HSPG2: variants seen among roughly 807,000 people sequenced by gnomAD.
The protein encoded by HSPG2 is heparan sulfate proteoglycan 2.
A neutral mutation model predicts 526.6 loss-of-function variants in HSPG2; 278 were observed. The observed-to-expected ratio is 0.53, with a 90% CI of 0.48 to 0.58. HSPG2 has a LOEUF of 0.58. Ranked by LOEUF, HSPG2 falls within the 20% of genes least tolerant of loss-of-function variation. HSPG2 has a pLI of 0.00. For synonymous variants in HSPG2, 2,465 were observed against 2,555.4 expected (o/e 0.96, Z 1.07); for missense variants, 5,354 against 6,099.5 (o/e 0.88, Z 4.07).
intron 91 of HSPG2, among the ~76,000 whole-genome samples, chr1:21,826,072 C>A (rs550426851): frequency 6.6e-5 from 10 of 151,524 alleles, no homozygotes; most frequent in African/African-American, 2.4e-4. Flanking sequence ...TGTGAGCCAC[C>A]GCACCCAGCC....
chr1:21,828,215 T>C lies in HSPG2; in HGVS notation c.12409+40A>G. 1.2e-6 allele frequency: 2 copies of C among 1,613,018 alleles called. No individual in the cohort carries two copies. The highest frequency in any genetic ancestry group is 1.7e-6 in the Non-Finnish European group (2 of 1,179,898). On this transcript the variant is annotated intron_variant, in intron 89 of 96. Coordinates refer to ENST00000374695, the MANE Select transcript of HSPG2 (RefSeq NM_005529.7). The surrounding 1 kb of genome is among the most constrained non-coding windows in gnomAD (Gnocchi z 6.0). ...TGGGCTGGAGGTGTCGCTGACCACC[T>C]GTGCCCCTCCCCTCCGGTGCCCTGG...
Position 21,872,271 on chromosome 1 carries a change from C to A in HSPG2, c.4136G>T (p.Gly1379Val). Residue 1379 changes from glycine to valine, a missense_variant, in exon 33 of 97, where the codon GGT becomes GTT. Coordinates refer to ENST00000374695, the MANE Select transcript of HSPG2 (RefSeq NM_005529.7). This position sits in a 1 kb window ranked among gnomAD's most constrained non-coding sequence, Gnocchi z 5.5. ...GEFTVEPVPE[G>V]AQLSFGNFAQ... ...AAAGTTGCCAAAAGAGAGCTGGGCA[C>A]CCTCGGGCACGGGTTCCACAGTGAA... The A allele has an allele frequency of 6.4e-7, 1 of 1,557,620 alleles. No homozygotes were observed. Among genetic ancestry groups the A allele is most frequent in the Non-Finnish European group, 8.7e-7 (1 of 1,150,310 alleles).
rs144498303 is a variant in HSPG2 at position 21,851,553 on chromosome 1, C to G, written c.7151G>C (p.Arg2384Pro). 1 of 1,613,952 alleles carries G rather than the reference C, an allele frequency of 6.2e-7. No homozygotes were observed. Among genetic ancestry groups the G allele is most frequent in the Non-Finnish European group, 8.5e-7 (1 of 1,180,054 alleles). The change falls in exon 55 of 97, where the codon CGG becomes CCG. Residue 2384 changes from arginine (R) to proline (P), a missense_variant. Arg to Pro is a moderately radical substitution (Grantham distance 103). Coordinates refer to ENST00000374695, the MANE Select transcript of HSPG2 (RefSeq NM_005529.7). Reference sequence around the variant, plus strand: ...TGTCCTCCAGTCCCATACCTGGTGCCGGACAGGGAGGCTGCCCCCACGCTT... The same window carrying G: ...TGTCCTCCAGTCCCATACCTGGTGCGGGACAGGGAGGCTGCCCCCACGCTT... The part of the protein sequence containing the change: ...WHKRGGSLPV[R>P]HQTHGSLLRL...
In HSPG2 at chr1:21,873,961, G is replaced by T. The variant is rs113652076; in HGVS notation, c.3707C>A (p.Ala1236Glu). ...LDTDGHPTCD[A>E]CSPGHSGRHC... is the part of the protein sequence containing the mutation. ...ACGCCCACTGTGGCCTGGGGAGCAC[G>T]CATCACAGGTGGGGTGGCCGTCTGT... Residue 1236 changes from alanine (A) to glutamate (E), a missense_variant, in exon 29 of 97, where the codon GCG becomes GAG. Physicochemically the swap from Ala to Glu is moderately radical, Grantham distance 107. Transcript: ENST00000374695. 2.7e-3 allele frequency: 4,297 copies of T among 1,605,542 alleles called. 10 individuals are homozygous for T. Among genetic ancestry groups the T allele is most frequent in the Non-Finnish European group, 3.4e-3 (3,977 of 1,175,892 alleles).
At chr1:21,869,722 C>G (rs1304464541) in intron 33 of HSPG2, 2 of 985,940 alleles carry the variant, frequency 2.0e-6, no homozygotes, top group African/African-American at 3.5e-5. Flanking sequence ...GAAAGGACGT[C>G]CGTGAGGCTT....
chr1:21,833,352 A>T lies in HSPG2; in HGVS notation c.11011T>A (p.Tyr3671Asn). ...ATGGTGGGCAGCGGTAGGAAGGAGT[A>T]GGGGGTCTGCGTGAAGTAGGGCACC... ...RVVPYFTQTP[Y>N]SFLPLPTIKD... is the part of the protein sequence containing the mutation. The change falls in exon 80 of 97, where the codon TAC becomes AAC. Residue 3671 changes from tyrosine (Y) to asparagine (N), a missense_variant. By Grantham distance (143) the Tyr-to-Asn change is moderately radical. Coordinates refer to ENST00000374695, the MANE Select transcript of HSPG2 (RefSeq NM_005529.7). 6.2e-7 allele frequency: 1 copy of T among 1,614,100 alleles called. No individual in the cohort carries two copies. The highest frequency in any genetic ancestry group is 8.5e-7 in the Non-Finnish European group (1 of 1,179,998).
intron 21 of HSPG2, 97 bp downstream of exon 21, chr1:21,878,089 C>T (rs1641220574): frequency 2.6e-6 from 3 of 1,157,604 alleles, no homozygotes; most frequent in African/African-American, 3.0e-5. Context: ...CACCCACTGG[C>T]CAAGGATCTA....
rs955452877 is a variant in HSPG2 at position 21,870,908 on chromosome 1, G to T, written c.4221+1278C>A. 3 of 984,636 alleles carry T rather than the reference G, an allele frequency of 3.0e-6. No individual in the cohort carries two copies. The African/African-American group carries it at 5.2e-5, about 17-fold the overall frequency. 61.0% of individuals were successfully genotyped at this position (984,636 alleles called of 1,614,324 possible). A position where few individuals can be genotyped will look rare whatever the true frequency, so the allele number is the denominator to read the frequency against. The stretch of plus-strand genomic sequence containing the variant: ...CAGGGAAATGCCAGGACAGGAGACA[G>T]AGATAGGTCTGAGAATTGCAGGACA... On this transcript the variant is annotated intron_variant, in intron 33 of 96. Transcript: ENST00000374695.
intron 39 of HSPG2, among the ~76,000 whole-genome samples, chr1:21,861,368 C>T (rs1639768799): frequency 6.6e-6 from 1 of 151,802 alleles, no homozygotes; most frequent in Non-Finnish European, 1.5e-5. Context: ...ATCAAGAATT[C>T]AAAAAGTGGC....
rs771023718 is a variant in HSPG2 at position 21,834,753 on chromosome 1, T to C, written c.10646A>G (p.Asp3549Gly). The stretch of plus-strand genomic sequence containing the variant: ...GGCAGTGCAGCGATACTGTCCCGCA[T>C]CAGCCAGCTCTACGTGGGCGATCCT... ...VVRIAHVELA[D>G]AGQYRCTATN... Residue 3549 changes from aspartate to glycine, a missense_variant, in exon 77 of 97, where the codon GAT becomes GGT. Asp to Gly is a moderately conservative substitution (Grantham distance 94, BLOSUM62 -1). Coordinates refer to ENST00000374695, the MANE Select transcript of HSPG2 (RefSeq NM_005529.7). The C allele has an allele frequency of 6.2e-7, 1 of 1,614,192 alleles. No homozygotes were observed. Among genetic ancestry groups the C allele is most frequent in the Non-Finnish European group, 8.5e-7 (1 of 1,180,028 alleles).
rs550629437 is a variant in HSPG2 at position 21,928,811 on chromosome 1, G to A, written c.63+8344C>T. Among the ~76,000 whole-genome samples, 197 of 147,662 alleles carry A rather than the reference G, an allele frequency of 1.3e-3. No individual in the cohort carries two copies. The Middle Eastern group carries it at 0.015, about 12-fold the overall frequency. ...GTTGCTCAGGCTGGAGTGCAATGGC[G>A]CGATCTCAGCTCACCACAACCTCCG... On this transcript the variant is annotated intron_variant, in intron 1 of 96. Transcript: ENST00000374695.
At position 21,887,915 on chromosome 1, in the gene HSPG2, C is replaced by T. The variant is rs530721044; in HGVS notation, c.703+23G>A. 3.7e-6 allele frequency: 6 copies of T among 1,613,964 alleles called. No homozygotes were observed. Among genetic ancestry groups the T allele is most frequent in the South Asian group, 2.2e-5 (2 of 91,074 alleles). The stretch of plus-strand genomic sequence containing the variant: ...GCCCTCCCCTGGCACCCAAACCACT[C>T]GTGGCCCCGGACATCCCCTCACCAC... On this transcript the variant is annotated intron_variant, in intron 7 of 96. Coordinates refer to ENST00000374695, the MANE Select transcript of HSPG2 (RefSeq NM_005529.7). The surrounding 1 kb of genome is among the most constrained non-coding windows in gnomAD (Gnocchi z 5.0).
intron 9 of HSPG2, among the ~76,000 whole-genome samples, chr1:21,886,397 G>A (rs568224093): frequency 6.6e-6 from 1 of 152,316 alleles, no homozygotes; most frequent in South Asian, 2.1e-4. Context: ...GCTGTGGAGT[G>A]GGCAGGGGAA....
Position 21,884,830 on chromosome 1 carries a change from T to C in HSPG2, c.1444A>G (p.Met482Val), listed in dbSNP as rs140207145. The part of the protein sequence containing the change: ...SDQGAYTCEA[M>V]NARGMVFGIP... The stretch of plus-strand genomic sequence containing the variant: ...CCAAACACCATGCCCCGGGCGTTCA[T>C]GGCCTCACAGGTGTAGGCACCCTGG... Residue 482 changes from methionine to valine, a missense_variant, in exon 12 of 97, where the codon ATG (methionine) becomes GTG (valine). By Grantham distance (21) the Met-to-Val change is conservative. Coordinates refer to ENST00000374695, the MANE Select transcript of HSPG2 (RefSeq NM_005529.7). 1.4e-5 allele frequency: 23 copies of C among 1,613,852 alleles called. No individual in the cohort carries two copies. The highest frequency in any genetic ancestry group is 1.8e-5 in the Non-Finnish European group (21 of 1,180,012).
intron 1 of HSPG2, among the ~76,000 whole-genome samples, chr1:21,932,554 GGAA>G (rs1557843363): frequency 6.6e-6 from 1 of 152,156 alleles, no homozygotes; most frequent in Admixed American, 6.5e-5. Flanking sequence ...CTGAGCAGGA[GGAA>G]GCAGATAAAC....
At chr1:21,922,656 A>G (rs957696384) in intron 1 of HSPG2, among the ~76,000 whole-genome samples, 1 of 152,050 alleles carries the variant, frequency 6.6e-6, no homozygotes, top group Admixed American at 6.6e-5. Context: ...GGGAAGGAGG[A>G]AGCACCTGAA....
chr1:21,907,236 G>A (rs1189114833), intron 1 of HSPG2, among the ~76,000 whole-genome samples: 3 of 152,186 alleles, frequency 2.0e-5, no homozygotes, highest in African/African-American at 7.2e-5. Flanking sequence ...GCTTCGTTCA[G>A]CTGCTGAGTG....
At position 21,880,189 on chromosome 1, in the gene HSPG2, C is replaced by T. The variant is rs1357063230; in HGVS notation, c.2261G>A (p.Gly754Asp). ...AGAGCAGGTGCCCAGGTAGGGCCCA[C>T]CAGGCACCCGAGTGAAGTGGGCATC... ...SCDAHFTRVP[G>D]GPYLGTCSGC... The change falls in exon 17 of 97, where the codon GGT (glycine) becomes GAT (aspartate). Residue 754 changes from glycine (G) to aspartate (D), a missense_variant. By Grantham distance (94) the Gly-to-Asp change is moderately conservative (BLOSUM62 -1). Transcript: ENST00000374695. The T allele has an allele frequency of 1.2e-6, 2 of 1,614,196 alleles. No homozygotes were observed. The highest frequency in any genetic ancestry group is 2.2e-5 in the East Asian group (1 of 44,894).
intron 3 of HSPG2, among the ~76,000 whole-genome samples, chr1:21,894,707 G>C (rs571332788): frequency 6.6e-6 from 1 of 152,214 alleles, no homozygotes; most frequent in Non-Finnish European, 1.5e-5. Context: ...AGGGGCTGGA[G>C]ATGGTTCATG....
Sources: allele counts gnomAD v4.1 joint callset (sites outside exome capture counted in the v4.1 genomes callset), GRCh38; gene constraint gnomAD v4.1.1; non-coding constraint Gnocchi (gnomAD v3.1); transcripts MANE v1.5; gene names NCBI Gene and HGNC (gene_info 2026-07-23, HGNC 2026-07-21).